LRBA: variants seen among roughly 807,000 people sequenced by gnomAD.
LRBA encodes LPS responsive beige-like anchor protein.
LRBA carries 176 observed loss-of-function variants against 330.0 expected under a neutral mutation model. The ratio of observed to expected loss-of-function variants is 0.53; its 90% CI spans 0.47 to 0.60. LRBA has a LOEUF of 0.60. Ranked by LOEUF, LRBA falls within the 20% of genes least tolerant of loss-of-function variation. LRBA has a pLI of 0.00. For missense variants in LRBA, 3,259 were observed against 3,444.8 expected (o/e 0.95, Z 1.35); for synonymous variants, 1,230 against 1,193.0 (o/e 1.03, Z -0.64).
rs1265138235 is a variant in LRBA, at chr4:150,880,493, C to G, written c.2166-7738G>C. On this transcript the variant is annotated intron_variant, in intron 17 of 56. Coordinates refer to ENST00000651943, the MANE Select transcript of LRBA (RefSeq NM_001364905.1). ...TGTGATCGTGCCACTGCACTCCAAC[C>G]TGGGAAACAGAGCAATACCCTGTCT... Among the ~76,000 whole-genome samples the G allele has an allele frequency of 3.3e-5, 5 of 149,698 alleles. No homozygotes were observed. The East Asian group carries it at 9.8e-4, about 29-fold the overall frequency.
At chr4:150,593,170 A>G (rs1773101072) in intron 38 of LRBA, among the ~76,000 whole-genome samples, 1 of 152,150 alleles carries the variant, frequency 6.6e-6, no homozygotes, top group Non-Finnish European at 1.5e-5. Context: ...ATGTTTTTAT[A>G]AAGTAAATTA....
chr4:150,799,832 C>T (rs1047299722), intron 33 of LRBA, among the ~76,000 whole-genome samples: 1 of 152,198 alleles, frequency 6.6e-6, no homozygotes, highest in Non-Finnish European at 1.5e-5. Flanking sequence ...ACAACCTCCA[C>T]CTCCCAGGTT....
At chr4:150,983,603 C>T (rs1422499176) in intron 2 of LRBA, among the ~76,000 whole-genome samples, 4 of 151,902 alleles carry the variant, frequency 2.6e-5, no homozygotes, top group African/African-American at 9.7e-5. Context: ...CAGGTGCCCG[C>T]CACCATACCT....
intron 40 of LRBA, among the ~76,000 whole-genome samples, chr4:150,530,050 T>C (rs912014376): frequency 1.1e-4 from 16 of 152,226 alleles, no homozygotes; most frequent in African/African-American, 3.9e-4. Context: ...TTTGAATAGA[T>C]ATTTAAATCT....
At chr4:150,665,430 T>G (rs569606647) in intron 37 of LRBA, among the ~76,000 whole-genome samples, 100 of 151,974 alleles carry the variant, frequency 6.6e-4, no homozygotes, top group African/African-American at 2.2e-3. Context: ...GGGTCCACCT[T>G]GTAACTGACC....
At chr4:150,482,396 T>C (rs188161623) in intron 42 of LRBA, among the ~76,000 whole-genome samples, 30 of 152,272 alleles carry the variant, frequency 2.0e-4, no homozygotes, top group Admixed American at 7.9e-4. Context: ...AAGTACTATA[T>C]AGATTCCATT....
chr4:150,864,856 A>T (rs975430857), intron 22 of LRBA, among the ~76,000 whole-genome samples: 1 of 152,068 alleles, frequency 6.6e-6, no homozygotes, highest in African/African-American at 2.4e-5. Context: ...CATGTTGGCC[A>T]GGCTGGTCCT....
At chr4:150,310,154 A>G (rs957266193) in intron 52 of LRBA, 75 bp downstream of exon 52, 10 of 984,458 alleles carry the variant, frequency 1.0e-5, no homozygotes, top group Non-Finnish European at 1.2e-5. Flanking sequence ...AAGGAAGCAG[A>G]TAAGAATGCA....
In LRBA at chr4:150,487,843, G is replaced by A; in HGVS notation, c.6449-9C>T. 1 of 1,504,420 alleles carries A rather than the reference G, an allele frequency of 6.6e-7. No individual in the cohort carries two copies. Among genetic ancestry groups the A allele is most frequent in the Non-Finnish European group, 9.2e-7 (1 of 1,092,582 alleles). The allele number at this position is 1,504,420 out of a possible 1,614,324, so 93.2% of individuals were successfully genotyped here. ...GTTGAACATCACAGCAACTACAACA[G>A]ATGATTTTTAAAAATTAGAACACAG... On this transcript the variant is annotated splice_polypyrimidine_tract_variant and intron_variant, in intron 41 of 56. Transcript: ENST00000651943.
chr4:150,997,403 G>A (rs963241383), intron 2 of LRBA, among the ~76,000 whole-genome samples: 8 of 152,098 alleles, frequency 5.3e-5, no homozygotes, highest in South Asian at 4.1e-4. Flanking sequence ...TCAAACTATT[G>A]TGTTTCAAAA....
Position 150,826,654 on chromosome 4 carries a change from C to T in LRBA, c.5171+1526G>A, listed in dbSNP as rs147263755. On this transcript the variant is annotated intron_variant, in intron 30 of 56. Transcript: ENST00000651943. The stretch of plus-strand genomic sequence containing the variant: ...AAAGTTCTTTTACAATTGGACAATG[C>T]TCCTGACCACCCAGAGCTTCATGAG... Among the ~76,000 whole-genome samples the T allele has an allele frequency of 1.3e-4, 20 of 152,190 alleles. No homozygotes were observed. In the East Asian group the frequency reaches 3.9e-3, roughly 29 times the overall value.
At chr4:150,938,764 T>C (rs190312943) in intron 2 of LRBA, among the ~76,000 whole-genome samples, 1 of 152,246 alleles carries the variant, frequency 6.6e-6, no homozygotes, top group African/African-American at 2.4e-5. Flanking sequence ...CTGGCAATCA[T>C]AGAACTGCCA....
Position 150,915,614 on chromosome 4 carries a change from A to G in LRBA, c.1008T>C (p.Thr336=), listed in dbSNP as rs747214029. 9.3e-6 allele frequency: 15 copies of G among 1,609,114 alleles called. No homozygotes were observed. In the East Asian group the frequency reaches 3.4e-4, roughly 36 times the overall value. Reference sequence around the variant, plus strand: ...ACATTTTGAAACTACTTACATCGCTAGTGTTGACAAACCATGTTATCTCTC... The same window carrying G: ...ACATTTTGAAACTACTTACATCGCTGGTGTTGACAAACCATGTTATCTCTC... ...SYGEITWFVN[T]SDTFDKCFLG... The change falls in exon 8 of 57, where the codon ACT becomes ACC. Residue 336 remains threonine, a synonymous_variant. Coordinates refer to ENST00000651943, the MANE Select transcript of LRBA (RefSeq NM_001364905.1).
chr4:150,657,058 T>G (rs1780262938), intron 37 of LRBA, among the ~76,000 whole-genome samples: 1 of 152,206 alleles, frequency 6.6e-6, no homozygotes, highest in African/African-American at 2.4e-5. Flanking sequence ...TACTCACATT[T>G]GGCTTGTCAT....
At chr4:150,506,661 C>G (rs1000270078) in intron 40 of LRBA, among the ~76,000 whole-genome samples, 7 of 152,200 alleles carry the variant, frequency 4.6e-5, no homozygotes, top group African/African-American at 1.7e-4. Flanking sequence ...CCTTTGAAAA[C>G]TGGCACAAGA....
chr4:150,405,813 G>C (rs894318506), intron 47 of LRBA, among the ~76,000 whole-genome samples: 1 of 152,146 alleles, frequency 6.6e-6, no homozygotes, highest in Non-Finnish European at 1.5e-5. Flanking sequence ...CCAGCACTTT[G>C]AGAAGCCAAG....
Position 150,666,935 on chromosome 4 carries a change from C to T in LRBA, c.5921+16616G>A, listed in dbSNP as rs1487026757. 3.9e-5 allele frequency among the ~76,000 whole-genome samples: 6 copies of T among 152,200 alleles called. No individual in the cohort carries two copies. In the East Asian group the frequency reaches 5.8e-4, roughly 15 times the overall value. On this transcript the variant is annotated intron_variant, in intron 37 of 56. Coordinates refer to ENST00000651943, the MANE Select transcript of LRBA (RefSeq NM_001364905.1). ...GATATTAAACCATGTGAAGAATCAT[C>T]CTTATTTAACTAATGAAAGGAAAAT...
At chr4:150,856,419 T>C (rs960379208) in intron 22 of LRBA, among the ~76,000 whole-genome samples, 7 of 152,186 alleles carry the variant, frequency 4.6e-5, no homozygotes, top group African/African-American at 1.7e-4. Flanking sequence ...TGTATTATTC[T>C]CTCCTTTTGT....
chr4:150,766,751 C>T (rs1735814241), intron 34 of LRBA, among the ~76,000 whole-genome samples: 1 of 152,170 alleles, frequency 6.6e-6, no homozygotes, highest in African/African-American at 2.4e-5. Context: ...GGTTATCCTT[C>T]TCCCAGAGGT....
Sources: allele counts gnomAD v4.1 joint callset (sites outside exome capture counted in the v4.1 genomes callset), GRCh38; gene constraint gnomAD v4.1.1; transcripts MANE v1.5; gene names NCBI Gene and HGNC (gene_info 2026-07-23, HGNC 2026-07-21).